JAKMIP1: variants seen among roughly 807,000 people sequenced by gnomAD.
The protein encoded by JAKMIP1 is janus kinase and microtubule interacting protein 1.
A neutral mutation model predicts 113.0 loss-of-function variants in JAKMIP1; 33 were observed. The observed-to-expected ratio is 0.29, with a 90% CI of 0.22 to 0.39. JAKMIP1 has a LOEUF of 0.39. JAKMIP1 is among the 10% of genes least tolerant of loss of function. The pLI is 1.00. For missense variants in JAKMIP1, 813 were observed against 1,080.5 expected (o/e 0.75, Z 3.47); for synonymous variants, 480 against 459.9 (o/e 1.04, Z -0.56).
rs545923600 is a variant in JAKMIP1, at chr4:6,169,267, C to A, written c.-148+30986G>T. On this transcript the variant is annotated intron_variant, in intron 1 of 20. Coordinates refer to ENST00000409021, the MANE Select transcript of JAKMIP1 (RefSeq NM_001099433.2). ...TTGTAAGTAGGGTTCCTGCAGGTGT[C>A]ATGAGTTAGGAGGAGGCCATGATGG... Among the ~76,000 whole-genome samples, 5 of 152,252 alleles carry A rather than the reference C, an allele frequency of 3.3e-5. No homozygotes were observed. In the South Asian group the frequency reaches 1.0e-3, roughly 32 times the overall value.
chr4:6,058,022 T>C (rs532107969), intron 11 of JAKMIP1, among the ~76,000 whole-genome samples: 2 of 152,380 alleles, frequency 1.3e-5, no homozygotes, highest in South Asian at 4.1e-4. Context: ...GGTGGTTTGT[T>C]ACTCAGCAAC....
At chr4:6,101,173 T>C (rs114921716) in intron 3 of JAKMIP1, among the ~76,000 whole-genome samples, 2,412 of 152,272 alleles carry the variant, frequency 0.016, 73 homozygotes, top group African/African-American at 0.051. Context: ...GCTATATTGT[T>C]TTACTTTTTA....
rs981930535 is a variant in JAKMIP1, at chr4:6,181,732, T to C, written c.-148+18521A>G. Reference sequence around the variant, plus strand: ...TCATTCATTCATTCATTCAACAGCATCCTAGTGCCTGTTCCATGCCAGACC... The same window carrying C: ...TCATTCATTCATTCATTCAACAGCACCCTAGTGCCTGTTCCATGCCAGACC... On this transcript the variant is annotated intron_variant, in intron 1 of 20. Coordinates refer to ENST00000409021, the MANE Select transcript of JAKMIP1 (RefSeq NM_001099433.2). The surrounding 1 kb of genome is among the most constrained non-coding windows in gnomAD (Gnocchi z 5.4). Among the ~76,000 whole-genome samples the C allele has an allele frequency of 3.3e-5, 5 of 152,136 alleles. No homozygotes were observed. Among genetic ancestry groups the C allele is most frequent in the Admixed American group, 2.6e-4 (4 of 15,276 alleles).
intron 11 of JAKMIP1, among the ~76,000 whole-genome samples, chr4:6,058,357 C>T (rs558782595): frequency 6.6e-6 from 1 of 152,224 alleles, no homozygotes; most frequent in Non-Finnish European, 1.5e-5. Context: ...TAAGCCCCTC[C>T]TATGTAGCTG....
intron 1 of JAKMIP1, among the ~76,000 whole-genome samples, chr4:6,120,093 C>A (rs375084928): frequency 2.6e-5 from 4 of 152,008 alleles, no homozygotes; most frequent in African/African-American, 7.3e-5. Context: ...CAGGGGTCTC[C>A]GTGGAGAAAA....
In JAKMIP1 at chr4:6,085,644, G is replaced by A. The variant is rs73196084; in HGVS notation, c.625-15C>T. Reference sequence around the variant, plus strand: ...ATCTCATCCATCTGAAAAGGAGAAAGAATAAGCAGTCAGCCCTAGGGGCTC... The same window carrying A: ...ATCTCATCCATCTGAAAAGGAGAAAAAATAAGCAGTCAGCCCTAGGGGCTC... On this transcript the variant is annotated splice_polypyrimidine_tract_variant and intron_variant, in intron 3 of 20. Coordinates refer to ENST00000409021, the MANE Select transcript of JAKMIP1 (RefSeq NM_001099433.2). 524,530 of 1,612,008 alleles carry A rather than the reference G, an allele frequency of 0.33. 89,022 individuals carry two copies. The highest frequency in any genetic ancestry group is 0.39 in the South Asian group (35,706 of 91,036).
chr4:6,042,343 G>T lies in JAKMIP1; in HGVS notation c.2029-116C>A. On this transcript the variant is annotated intron_variant, in intron 16 of 20. Coordinates refer to ENST00000409021, the MANE Select transcript of JAKMIP1 (RefSeq NM_001099433.2). This position sits in a 1 kb window ranked among gnomAD's most constrained non-coding sequence, Gnocchi z 5.2. ...ATCGGCTTCCTCAGAGTGTGCTCAGGAATGGGTCAGGTCATGGCACACACA... is the reference window on the plus strand; with the variant it reads ...ATCGGCTTCCTCAGAGTGTGCTCAGTAATGGGTCAGGTCATGGCACACACA... 1.2e-6 allele frequency: 1 copy of T among 810,470 alleles called. No individual in the cohort carries two copies. The highest frequency in any genetic ancestry group is 2.1e-6 in the Non-Finnish European group (1 of 476,722). 50.2% of individuals were successfully genotyped at this position (810,470 alleles called of 1,614,324 possible).
rs1173397103 is a variant in JAKMIP1 at position 6,197,684 on chromosome 4, G to A, written c.-148+2569C>T. Among the ~76,000 whole-genome samples, 1 of 152,162 alleles carries A rather than the reference G, an allele frequency of 6.6e-6. No homozygotes were observed. The highest frequency in any genetic ancestry group is 1.5e-5 in the Non-Finnish European group (1 of 68,030). ...GTCATCCTCAGACTCCCCAAGGGAA[G>A]CCCCCATTTAGTTAGAAAGCCCAGC... On this transcript the variant is annotated intron_variant, in intron 1 of 20. Transcript: ENST00000409021. The surrounding 1 kb of genome is among the most constrained non-coding windows in gnomAD (Gnocchi z 6.5).
intron 16 of JAKMIP1, among the ~76,000 whole-genome samples, chr4:6,047,930 T>A (rs1024773514): frequency 1.3e-5 from 2 of 152,214 alleles, no homozygotes; most frequent in Non-Finnish European, 2.9e-5. Flanking sequence ...ATTTTTAATA[T>A]GTAAAGCACT....
At chr4:6,122,493 A>G (rs1000712500) in intron 1 of JAKMIP1, among the ~76,000 whole-genome samples, 1 of 152,248 alleles carries the variant, frequency 6.6e-6, no homozygotes, top group Admixed American at 6.5e-5. Context: ...CATATTTAGC[A>G]TGAAATCACA....
In JAKMIP1 at chr4:6,035,889, G is replaced by A. The variant is rs752456419; in HGVS notation, c.2379+15C>T. 150 of 1,542,196 alleles carry A rather than the reference G, an allele frequency of 9.7e-5. No individual in the cohort carries two copies. Among genetic ancestry groups the A allele is most frequent in the Non-Finnish European group, 7.5e-5 (86 of 1,143,492 alleles). ...GTGCCGGGGTGCTGTGGGCACAGCC[G>A]CTGTTGCCGCCTACCTGCTGGGCCT... On this transcript the variant is annotated intron_variant, in intron 19 of 20. Transcript: ENST00000409021.
rs74997830 is a variant in JAKMIP1 at position 6,139,770 on chromosome 4, TATAAAATAAAATAAA to T, written c.-147-26788_-147-26774del. Among the ~76,000 whole-genome samples the T allele has an allele frequency of 5.2e-3, 776 of 148,016 alleles. 7 individuals carry two copies. Among genetic ancestry groups the T allele is most frequent in the Non-Finnish European group, 6.4e-3 (433 of 67,144 alleles). ...GACAGAGTGAGACTCCATCTCAAAA[TATAAAATAAAATAAA>T]ATAAAATAAAATAAAATAAGGAAAT... On this transcript the variant is annotated intron_variant, in intron 1 of 20. Transcript: ENST00000409021. The surrounding 1 kb of genome is among the most constrained non-coding windows in gnomAD (Gnocchi z 5.2).
rs575868027 is a variant in JAKMIP1, at chr4:6,080,547, G to A, written c.1102-235C>T. Among the ~76,000 whole-genome samples the A allele has an allele frequency of 6.6e-6, 1 of 152,246 alleles. No individual in the cohort carries two copies. Among genetic ancestry groups the A allele is most frequent in the Non-Finnish European group, 1.5e-5 (1 of 68,014 alleles). On this transcript the variant is annotated intron_variant, in intron 6 of 20. Transcript: ENST00000409021. This position sits in a 1 kb window ranked among gnomAD's most constrained non-coding sequence, Gnocchi z 6.0. ...AGGTGGGAGATCATTGAATCATGGT[G>A]GCGGTTTCTCTCATACTATTCTCGT...
At chr4:6,170,526 TATCACCACCACCACCACCTCCATCACC>T (rs1365209786) in intron 1 of JAKMIP1, among the ~76,000 whole-genome samples, 26 of 13,210 alleles carry the variant, frequency 2.0e-3, no homozygotes, top group Non-Finnish European at 3.1e-3. Flanking sequence ...TCACCACCAT[TATCACCACCACCACCACCTCCATCACC>T]ATCACCACCA....
At chr4:6,171,628 G>A (rs922623543) in intron 1 of JAKMIP1, among the ~76,000 whole-genome samples, 2 of 152,260 alleles carry the variant, frequency 1.3e-5, no homozygotes, top group African/African-American at 2.4e-5. Context: ...AATGCCAAGA[G>A]CATGAGTGCA....
chr4:6,071,409 C>G (rs139037015), intron 8 of JAKMIP1, among the ~76,000 whole-genome samples: 1 of 152,150 alleles, frequency 6.6e-6, no homozygotes, highest in Middle Eastern at 3.2e-3. Flanking sequence ...CCCCTCCCCA[C>G]GGGGCCTGAA....
In JAKMIP1 at chr4:6,084,749, G is replaced by A. The variant is rs183219741; in HGVS notation, c.954+97C>T. On this transcript the variant is annotated intron_variant, in intron 5 of 20. Transcript: ENST00000409021. ...GAAGGAAAGTTCAGAGAACCAGAAG[G>A]CTTCTGCATTAACTTTCTGTGCAGG... 561 of 1,230,012 alleles carry A rather than the reference G, an allele frequency of 4.6e-4. 1 individual carries two copies. Among genetic ancestry groups the A allele is most frequent in the Non-Finnish European group, 5.5e-4 (505 of 918,728 alleles). The allele number at this position is 1,230,012 out of a possible 1,614,324, so 76.2% of individuals were successfully genotyped here.
intron 1 of JAKMIP1, among the ~76,000 whole-genome samples, chr4:6,144,088 T>C (rs1002313474): frequency 1.3e-5 from 2 of 152,184 alleles, no homozygotes; most frequent in Admixed American, 6.5e-5. Flanking sequence ...GGACAAACCA[T>C]AGGCCTTTCT....
rs1270321942 is a variant in JAKMIP1, at chr4:6,076,831, T to A, written c.1302+2108A>T. On this transcript the variant is annotated intron_variant, in intron 8 of 20. Transcript: ENST00000409021. The surrounding 1 kb of genome is among the most constrained non-coding windows in gnomAD (Gnocchi z 4.8). ...TATATAATACATAGCCTGAAGGGAA[T>A]TGTATATAATATTTTAAATAATTTT... Among the ~76,000 whole-genome samples, 1 of 152,186 alleles carries A rather than the reference T, an allele frequency of 6.6e-6. No individual in the cohort carries two copies. The highest frequency in any genetic ancestry group is 2.4e-5 in the African/African-American group (1 of 41,454).
Sources: gnomAD v4.1 joint callset for allele counts (sites outside exome capture counted in the v4.1 genomes callset) on GRCh38, gnomAD v4.1.1 for gene constraint, Gnocchi (gnomAD v3.1) non-coding constraint, MANE v1.5 for transcripts, NCBI Gene and HGNC (gene_info 2026-07-23, HGNC 2026-07-21) for gene names.